The following PHKG2 variants were observed in gnomAD, a reference collection of about 807,000 sequenced individuals.
The protein encoded by PHKG2 is phosphorylase kinase catalytic subunit gamma 2, also known as phosphorylase b kinase gamma catalytic chain, liver/testis isoform.
In PHKG2, 28 loss-of-function variants were observed where a neutral mutation model predicts 44.5. The observed-to-expected ratio is 0.63, with a 90% CI of 0.47 to 0.86. The LOEUF (loss-of-function observed/expected upper bound fraction) is 0.86. Among genes scored for constraint, PHKG2 ranks in the 40% least tolerant of loss-of-function variants. The probability of loss-of-function intolerance (pLI) is 0.00; values close to 1 mark genes in which losing one functional copy is unlikely to be tolerated. For missense variants in PHKG2, 498 were observed against 547.5 expected (o/e 0.91, Z 0.90); for synonymous variants, 220 against 211.2 (o/e 1.04, Z -0.36).
chr16:30,756,970 G>T lies in PHKG2; in HGVS notation c.1094G>T (p.Gly365Val). 6.2e-7 allele frequency: 1 copy of T among 1,612,952 alleles called. No homozygotes were observed. The highest frequency in any genetic ancestry group is 1.3e-5 in the African/African-American group (1 of 75,060). Residue 365 changes from glycine to valine, a missense_variant, in exon 10 of 10, where the codon GGG becomes GTG. Coordinates refer to ENST00000563588, the MANE Select transcript of PHKG2 (RefSeq NM_000294.3). Reference sequence around the variant, plus strand: ...CTCTACGGGCACTGGGTAAAGAAAGGGGAGCAGCAGAACCGGGCGGCTCTC... The same window carrying T: ...CTCTACGGGCACTGGGTAAAGAAAGTGGAGCAGCAGAACCGGGCGGCTCTC... ...FRLYGHWVKK[G>V]EQQNRAALFQ...
Position 30,759,621 on chromosome 16 carries a change from G to C in PHKG2, c.*2524G>C, listed in dbSNP as rs1468576750. On this transcript the variant is annotated 3_prime_UTR_variant, in exon 10 of 10. Coordinates refer to ENST00000563588, the MANE Select transcript of PHKG2 (RefSeq NM_000294.3). Reference sequence around the variant, plus strand: ...TGGGTGAGACCTTGTCTGGGGATGGGTAAAGTTTCCAGAATGTTCCAGGGG... The same window carrying C: ...TGGGTGAGACCTTGTCTGGGGATGGCTAAAGTTTCCAGAATGTTCCAGGGG... 1 of 1,614,072 alleles carries C rather than the reference G, an allele frequency of 6.2e-7. No individual in the cohort carries two copies.
intron 2 of PHKG2, among the ~76,000 whole-genome samples, chr16:30,749,268 T>A (rs2053312844): frequency 2.3e-5 from 1 of 44,110 alleles, no homozygotes; most frequent in South Asian, 1.5e-3. Context: ...CTGGTGGTGG[T>A]GGTGTGTGTG....
intron 2 of PHKG2, among the ~76,000 whole-genome samples, chr16:30,749,144 G>GGTGCTGGTT: frequency 8.0e-5 from 1 of 12,524 alleles, no homozygotes; most frequent in South Asian, 4.2e-3. Flanking sequence ...TGGTGCTGGT[G>GGTGCTGGTT]CTGGTGGTGG....
intron 6 of PHKG2, chr16:30,755,071 G>C (rs1229243603): frequency 5.4e-6 from 2 of 367,766 alleles, no homozygotes; most frequent in East Asian, 1.5e-4. Flanking sequence ...CCGAGTGGTA[G>C]AACAAACTAA....
In PHKG2 at chr16:30,760,177, G is replaced by A; in HGVS notation, c.*3080G>A. 3.1e-6 allele frequency: 5 copies of A among 1,601,710 alleles called. No homozygotes were observed. Among genetic ancestry groups the A allele is most frequent in the Non-Finnish European group, 4.2e-6 (5 of 1,178,426 alleles). On this transcript the variant is annotated 3_prime_UTR_variant, in exon 10 of 10. Coordinates refer to ENST00000563588, the MANE Select transcript of PHKG2 (RefSeq NM_000294.3). ...TGTGTATGATGATGCTACTAATAAT[G>A]ACATATTCCAGGCAGAAATCCCCTG...
At position 30,759,058 on chromosome 16, in the gene PHKG2, C is replaced by T. The variant is rs750859134; in HGVS notation, c.*1961C>T. On this transcript the variant is annotated 3_prime_UTR_variant, in exon 10 of 10. Coordinates refer to ENST00000563588, the MANE Select transcript of PHKG2 (RefSeq NM_000294.3). Reference sequence around the variant, plus strand: ...CCACTGTCTCTAGTTCCTCTTTCTGCGGGGTAACTGCCTGCTCCTCCATCT... The same window carrying T: ...CCACTGTCTCTAGTTCCTCTTTCTGTGGGGTAACTGCCTGCTCCTCCATCT... 2.9e-5 allele frequency: 47 copies of T among 1,614,104 alleles called. No homozygotes were observed. The highest frequency in any genetic ancestry group is 1.6e-4 in the Middle Eastern group (1 of 6,084).
At position 30,756,267 on chromosome 16, in the gene PHKG2, C is replaced by T. The variant is rs759553322; in HGVS notation, c.642C>T (p.Val214=). ...DETHPGYGKE[V]DLWACGVILF... is the part of the protein sequence containing the mutation. ...CCCACCCAGGCTATGGCAAGGAGGTCGACCTGTGAGTTCCTGGTCTCCCCC... is the reference window on the plus strand; with the variant it reads ...CCCACCCAGGCTATGGCAAGGAGGTTGACCTGTGAGTTCCTGGTCTCCCCC... Residue 214 remains valine (V), a synonymous_variant, in exon 7 of 10, where the codon GTC becomes GTT. Transcript: ENST00000563588. 36 of 1,613,930 alleles carry T rather than the reference C, an allele frequency of 2.2e-5. No homozygotes were observed. The East Asian group carries it at 3.8e-4, about 17-fold the overall frequency.
At position 30,757,504 on chromosome 16, in the gene PHKG2, G is replaced by A. The variant is rs988618534; in HGVS notation, c.*407G>A. ...CTTGGTCTTGCTCTTGCCTTTACCCGGAGGTAGCTGGAAGGGCCGCTCTAG... is the reference window on the plus strand; with the variant it reads ...CTTGGTCTTGCTCTTGCCTTTACCCAGAGGTAGCTGGAAGGGCCGCTCTAG... On this transcript the variant is annotated 3_prime_UTR_variant, in exon 10 of 10. Coordinates refer to ENST00000563588, the MANE Select transcript of PHKG2 (RefSeq NM_000294.3). 6.2e-6 allele frequency: 10 copies of A among 1,614,124 alleles called. No individual in the cohort carries two copies. The highest frequency in any genetic ancestry group is 2.2e-5 in the East Asian group (1 of 44,892).
Position 30,751,215 on chromosome 16 carries a change from G to A in PHKG2, c.205G>A (p.Glu69Lys), listed in dbSNP as rs1206225038. 15 of 1,613,612 alleles carry A rather than the reference G, an allele frequency of 9.3e-6. 1 individual carries two copies. The South Asian group carries it at 1.2e-4, about 13-fold the overall frequency. The stretch of plus-strand genomic sequence containing the variant: ...GCGGCTGAGTCCTGAGCAGCTGGAG[G>A]AGGTGCGGGAAGCCACACGGCGAGA... ...AERLSPEQLEEVREATRRETH... is the reference protein window; with the variant it reads ...AERLSPEQLEKVREATRRETH... The change falls in exon 3 of 10, where the codon GAG becomes AAG. Residue 69 changes from glutamate to lysine, a missense_variant. Glu to Lys is a moderately conservative substitution (Grantham distance 56, BLOSUM62 1). Coordinates refer to ENST00000563588, the MANE Select transcript of PHKG2 (RefSeq NM_000294.3).
rs759709742 is a variant in PHKG2 at position 30,757,526 on chromosome 16, C to G, written c.*429C>G. ...CCCGGAGGTAGCTGGAAGGGCCGCT[C>G]TAGTGCAGTCAACTTGCTGCTGAGC... On this transcript the variant is annotated 3_prime_UTR_variant, in exon 10 of 10. Coordinates refer to ENST00000563588, the MANE Select transcript of PHKG2 (RefSeq NM_000294.3). The G allele has an allele frequency of 2.5e-6, 4 of 1,614,118 alleles. No individual in the cohort carries two copies. Among genetic ancestry groups the G allele is most frequent in the Admixed American group, 1.7e-5 (1 of 60,010 alleles).
intron 4 of PHKG2, 171 bp from the exon 5 acceptor site, chr16:30,753,061 A>G (rs1300258162): frequency 1.0e-5 from 7 of 684,376 alleles, no homozygotes; most frequent in African/African-American, 3.5e-5. Context: ...TCAGCTGCCA[A>G]CACACCAGGC....
At chr16:30,753,988 T>G (rs760070265) in intron 6 of PHKG2, among the ~76,000 whole-genome samples, 1 of 152,172 alleles carries the variant, frequency 6.6e-6, no homozygotes, top group Non-Finnish European at 1.5e-5. Context: ...ATACAGTTGT[T>G]GTGACAGGAA....
rs989867770 is a variant in PHKG2, at chr16:30,758,930, T to A, written c.*1833T>A. The A allele has an allele frequency of 7.7e-6, 12 of 1,553,798 alleles. No homozygotes were observed. The highest frequency in any genetic ancestry group is 1.0e-5 in the Non-Finnish European group (12 of 1,154,356). On this transcript the variant is annotated 3_prime_UTR_variant, in exon 10 of 10. Coordinates refer to ENST00000563588, the MANE Select transcript of PHKG2 (RefSeq NM_000294.3). ...AAGGACTCTGACTAAAAACAAAAAGTCTGAAGTCCTGATGTCATCCAAACC... is the reference window on the plus strand; with the variant it reads ...AAGGACTCTGACTAAAAACAAAAAGACTGAAGTCCTGATGTCATCCAAACC...
At chr16:30,755,149 G>A (rs1185763393) in intron 6 of PHKG2, 1 of 315,410 alleles carries the variant, frequency 3.2e-6, no homozygotes, top group African/African-American at 2.2e-5. Flanking sequence ...GGCTGAAGGA[G>A]GAGGCTCACT....
intron 4 of PHKG2, 109 bp downstream of exon 4, chr16:30,751,712 C>T: frequency 1.1e-6 from 1 of 940,072 alleles, no homozygotes. Flanking sequence ...CTTCCTGTTC[C>T]AGCTGGGGCT....
rs2053722903 is a variant in PHKG2, at chr16:30,760,850, A to G, written c.*3753A>G. On this transcript the variant is annotated 3_prime_UTR_variant, in exon 10 of 10. Coordinates refer to ENST00000563588, the MANE Select transcript of PHKG2 (RefSeq NM_000294.3). ...TAAATGAACTCTTATGAGCCTCTCC[A>G]TTTCTAAAGCCTAGGGTTAGGAATC... is the stretch of plus-strand genomic sequence containing the variant. 6 of 639,062 alleles carry G rather than the reference A, an allele frequency of 9.4e-6. No individual in the cohort carries two copies. Among genetic ancestry groups the G allele is most frequent in the Non-Finnish European group, 1.4e-5 (5 of 360,098 alleles). 39.6% of individuals were successfully genotyped at this position (639,062 alleles called of 1,614,324 possible).
At chr16:30,752,357 A>G in intron 4 of PHKG2, 1 of 148,408 alleles carries the variant, frequency 6.7e-6, no homozygotes, top group Non-Finnish European at 1.5e-5. Flanking sequence ...GTGCCATTGC[A>G]CTCCAGCCTG....
At chr16:30,756,028 A>G (rs1433558039) in intron 6 of PHKG2, among the ~76,000 whole-genome samples, 154 bp from the exon 7 acceptor site, 1 of 152,140 alleles carries the variant, frequency 6.6e-6, no homozygotes, top group Non-Finnish European at 1.5e-5. Flanking sequence ...GCGCAGGGAT[A>G]GTGCCTCAGC....
Position 30,760,853 on chromosome 16 carries a change from T to C in PHKG2, c.*3756T>C. On this transcript the variant is annotated 3_prime_UTR_variant, in exon 10 of 10. Coordinates refer to ENST00000563588, the MANE Select transcript of PHKG2 (RefSeq NM_000294.3). Reference sequence around the variant, plus strand: ...ATGAACTCTTATGAGCCTCTCCATTTCTAAAGCCTAGGGTTAGGAATCTTG... The same window carrying C: ...ATGAACTCTTATGAGCCTCTCCATTCCTAAAGCCTAGGGTTAGGAATCTTG... The C allele has an allele frequency of 1.6e-6, 1 of 638,818 alleles. No homozygotes were observed. Among genetic ancestry groups the C allele is most frequent in the Non-Finnish European group, 2.8e-6 (1 of 360,246 alleles). The allele number at this position is 638,818 out of a possible 1,614,324, so 39.6% of individuals were successfully genotyped here.
Sources: allele counts gnomAD v4.1 joint callset (sites outside exome capture counted in the v4.1 genomes callset), GRCh38; gene constraint gnomAD v4.1.1; transcripts MANE v1.5; gene names NCBI Gene and HGNC (gene_info 2026-07-23, HGNC 2026-07-21).